MNS1: variants seen among roughly 807,000 people sequenced by gnomAD.
MNS1 encodes meiosis-specific nuclear structural protein 1.
MNS1 carries 63 observed loss-of-function variants against 72.0 expected under a neutral mutation model. The observed-to-expected ratio is 0.87, with a 90% CI of 0.71 to 1.08. The LOEUF is 1.08. Ranked by LOEUF, MNS1 falls within the 50% of genes least tolerant of loss-of-function variation. The probability of loss-of-function intolerance (pLI) is 0.00; values close to 1 mark genes in which losing one functional copy is unlikely to be tolerated. For synonymous variants in MNS1, 188 were observed against 172.1 expected (o/e 1.09, Z -0.72); for missense variants, 604 against 562.4 (o/e 1.07, Z -0.75).
At chr15:56,437,069 T>C (rs1037061602) in intron 7 of MNS1, among the ~76,000 whole-genome samples, 7 of 152,004 alleles carry the variant, frequency 4.6e-5, no homozygotes, top group South Asian at 2.1e-4. Flanking sequence ...TTCCAATCAA[T>C]AGAAAAAGAG....
At chr15:56,460,202 T>TACATATTA (rs2051011822) in intron 2 of MNS1, among the ~76,000 whole-genome samples, 1 of 151,276 alleles carries the variant, frequency 6.6e-6, no homozygotes, top group Non-Finnish European at 1.5e-5. Flanking sequence ...AAGGTCAGTA[T>TACATATTA]ACATATTATA....
rs904778834 is a variant in MNS1, at chr15:56,428,910, G to C, written c.*191C>G. ...TAGAAATCGGATTTTGAAATTATCA[G>C]TACAAAAATAACAGCTTGATTAAAA... On this transcript the variant is annotated 3_prime_UTR_variant, in exon 10 of 10. Transcript: ENST00000260453. 6.7e-5 allele frequency: 35 copies of C among 525,010 alleles called. No homozygotes were observed. The highest frequency in any genetic ancestry group is 5.8e-4 in the Admixed American group (15 of 26,024). 32.5% of individuals were successfully genotyped at this position (525,010 alleles called of 1,614,324 possible).
At position 56,464,955 on chromosome 15, in the gene MNS1, C is replaced by G; in HGVS notation, c.3+15G>C. ...AACAATAAACAAGTAGTTTCAAGTC[C>G]CCCAACTGGCTCACCATCTTGGCTG... is the stretch of plus-strand genomic sequence containing the variant. On this transcript the variant is annotated intron_variant, in intron 1 of 9. Transcript: ENST00000260453. 6.2e-7 allele frequency: 1 copy of G among 1,611,230 alleles called. No individual in the cohort carries two copies. The highest frequency in any genetic ancestry group is 8.5e-7 in the Non-Finnish European group (1 of 1,178,938).
chr15:56,437,165 A>C (rs1020627541), intron 7 of MNS1, among the ~76,000 whole-genome samples: 30 of 152,206 alleles, frequency 2.0e-4, no homozygotes, highest in Middle Eastern at 3.2e-3. Flanking sequence ...CCACAAAAAA[A>C]AGAGAATTTA....
chr15:56,449,809 T>C (rs2050935923), intron 3 of MNS1, among the ~76,000 whole-genome samples: 1 of 152,244 alleles, frequency 6.6e-6, no homozygotes, highest in African/African-American at 2.4e-5. Context: ...TTTATCTATT[T>C]CATTTACATT....
chr15:56,440,839 C>T (rs1050588422), intron 7 of MNS1, among the ~76,000 whole-genome samples: 45 of 152,060 alleles, frequency 3.0e-4, no homozygotes, highest in African/African-American at 1.1e-3. Context: ...AGCTGAATAA[C>T]ATTTTATTAC....
intron 2 of MNS1, among the ~76,000 whole-genome samples, chr15:56,461,289 T>C (rs1272848229): frequency 6.6e-6 from 1 of 151,358 alleles, no homozygotes; most frequent in Admixed American, 6.6e-5. Context: ...AGTTGACACA[T>C]AAAATTATCA....
intron 3 of MNS1, among the ~76,000 whole-genome samples, chr15:56,452,568 G>A (rs1028101900): frequency 3.3e-5 from 5 of 150,804 alleles, no homozygotes; most frequent in Non-Finnish European, 7.4e-5. Flanking sequence ...GCCCAGGCTG[G>A]AGTGCAGTGG....
At position 56,444,592 on chromosome 15, in the gene MNS1, G is replaced by A. The variant is rs139643304; in HGVS notation, c.538C>T (p.Arg180Ter). 2.9e-5 allele frequency: 47 copies of A among 1,612,182 alleles called. No individual in the cohort carries two copies. The highest frequency in any genetic ancestry group is 3.6e-5 in the Non-Finnish European group (43 of 1,179,358). Reference protein sequence around the residue: ...IKEENAAEDKRNKAKAQYYLD... With the variant: ...IKEENAAEDK ...TAGTACTGTGCTTTCGCTTTGTTTC[G>A]TTTGTCTTCTGCAGCATTCTCTTCC... The change falls in exon 5 of 10, where the codon CGA (arginine) becomes TGA (stop). Residue 180 changes from arginine to a stop codon, truncating the protein, a stop_gained. Coordinates refer to ENST00000260453, the MANE Select transcript of MNS1 (RefSeq NM_018365.4). LOFTEE classifies it high-confidence loss of function.
intron 9 of MNS1, among the ~76,000 whole-genome samples, chr15:56,431,126 C>A (rs748475346): frequency 1.3e-5 from 2 of 152,158 alleles, no homozygotes; most frequent in Non-Finnish European, 1.5e-5. Flanking sequence ...TGCACTCCAG[C>A]CTGGGCGATA....
intron 7 of MNS1, among the ~76,000 whole-genome samples, chr15:56,441,319 C>T (rs1429636044): frequency 2.0e-5 from 3 of 151,640 alleles, no homozygotes; most frequent in East Asian, 1.9e-4. Context: ...TGATCTATCT[C>T]GGTGAAGGTT....
intron 3 of MNS1, chr15:56,447,377 A>G (rs2050913680): frequency 6.5e-6 from 1 of 154,374 alleles, no homozygotes; most frequent in Non-Finnish European, 1.4e-5. Context: ...GAATTCATAA[A>G]TCAATTTGGA....
chr15:56,437,633 A>G (rs1292844758), intron 7 of MNS1, among the ~76,000 whole-genome samples: 1 of 152,174 alleles, frequency 6.6e-6, no homozygotes, highest in African/African-American at 2.4e-5. Context: ...AGGCAGGAGA[A>G]AGAAAGAAAG....
chr15:56,456,264 A>G, intron 3 of MNS1, 130 bp downstream of exon 3: 1 of 767,002 alleles, frequency 1.3e-6, no homozygotes, highest in Non-Finnish European at 1.9e-6. Flanking sequence ...TAAAGCAATA[A>G]GTATTTCCAG....
At chr15:56,442,069 T>C (rs1248867367) in intron 7 of MNS1, among the ~76,000 whole-genome samples, 1 of 151,630 alleles carries the variant, frequency 6.6e-6, no homozygotes, top group Non-Finnish European at 1.5e-5. Context: ...AAAAATAGGC[T>C]AAGTACATGA....
chr15:56,448,934 G>T (rs2050928084), intron 3 of MNS1, among the ~76,000 whole-genome samples: 1 of 151,400 alleles, frequency 6.6e-6, no homozygotes, highest in Non-Finnish European at 1.5e-5. Context: ...TTTGTATTTT[G>T]AGTACAGATG....
chr15:56,463,812 A>C, intron 2 of MNS1: 1 of 496,184 alleles, frequency 2.0e-6, no homozygotes, highest in Non-Finnish European at 3.5e-6. Flanking sequence ...CAACTTACTC[A>C]AGGGTCCGTA....
At position 56,444,462 on chromosome 15, in the gene MNS1, A is replaced by G. The variant is rs1158484732; in HGVS notation, c.668T>C (p.Ile223Thr). The G allele has an allele frequency of 1.2e-6, 2 of 1,607,008 alleles. No individual in the cohort carries two copies. The highest frequency in any genetic ancestry group is 3.4e-5 in the Admixed American group (2 of 59,166). Residue 223 changes from isoleucine (I) to threonine (T), a missense_variant, in exon 5 of 10, where the codon ATC becomes ACC. Coordinates refer to ENST00000260453, the MANE Select transcript of MNS1 (RefSeq NM_018365.4). ...AACTTACAACTGATCTTCTTCATAG[A>G]TCTTCCTAACAATTTCATCAATCAT... ...KLMIDEIVRK[I>T]YEEDQLEKQQ...
At position 56,461,942 on chromosome 15, in the gene MNS1, C is replaced by A. The variant is rs1278495117; in HGVS notation, c.225+2084G>T. Among the ~76,000 whole-genome samples the A allele has an allele frequency of 5.4e-5, 8 of 147,368 alleles. No homozygotes were observed. The South Asian group carries it at 1.7e-3, about 32-fold the overall frequency. The stretch of plus-strand genomic sequence containing the variant: ...CTCCTTTTTCAGTAAGAATAAATAA[C>A]CCTAGTCAATAACAAAGTGTTTTTT... On this transcript the variant is annotated intron_variant, in intron 2 of 9. Coordinates refer to ENST00000260453, the MANE Select transcript of MNS1 (RefSeq NM_018365.4).
Sources: allele counts gnomAD v4.1 joint callset (sites outside exome capture counted in the v4.1 genomes callset), GRCh38; gene constraint gnomAD v4.1.1; transcripts MANE v1.5; gene names NCBI Gene and HGNC (gene_info 2026-07-23, HGNC 2026-07-21).